Variants in LINGO2 observed in about 807,000 individuals in gnomAD.
LINGO2 encodes the protein leucine-rich repeat and immunoglobulin-like domain-containing nogo receptor-interacting protein 2.
LINGO2 carries 14 observed loss-of-function variants against 30.6 expected under a neutral mutation model. The observed-to-expected ratio is 0.46, with a 90% CI of 0.30 to 0.72. LINGO2 has a LOEUF of 0.72. Among genes scored for constraint, LINGO2 ranks in the 30% least tolerant of loss-of-function variants. LINGO2 has a pLI of 0.07. For missense variants in LINGO2, 729 were observed against 751.7 expected (o/e 0.97, Z 0.35); for synonymous variants, 317 against 288.5 (o/e 1.10, Z -1.00).
intron 4 of LINGO2, among the ~76,000 whole-genome samples, chr9:28,212,131 T>G (rs1190605802): frequency 6.6e-6 from 1 of 151,450 alleles, no homozygotes; most frequent in African/African-American, 2.4e-5. Flanking sequence ...GCTTTGTCTT[T>G]CCATCTGAGA....
At chr9:29,151,116 T>G in the LINGO2 span, among the ~76,000 whole-genome samples, 1 of 151,906 alleles carries the variant, frequency 6.6e-6, no homozygotes, top group African/African-American at 2.4e-5. Flanking sequence ...TACAGCATTG[T>G]TATGAAAAAA....
chr9:29,212,900 C>T, the LINGO2 span, among the ~76,000 whole-genome samples: 1 of 152,206 alleles, frequency 6.6e-6, no homozygotes, highest in Non-Finnish European at 1.5e-5. Context: ...GCAATTCAAG[C>T]AGCAGCTTTG....
At chr9:28,558,971 T>C (rs1024643251) in intron 1 of LINGO2, among the ~76,000 whole-genome samples, 52 of 152,198 alleles carry the variant, frequency 3.4e-4, no homozygotes, top group African/African-American at 1.3e-3. Context: ...AAAAGTAGTA[T>C]ATTTGCCAAA....
At chr9:28,095,416 A>G (rs1826215811) in intron 4 of LINGO2, among the ~76,000 whole-genome samples, 1 of 152,144 alleles carries the variant, frequency 6.6e-6, no homozygotes, top group South Asian at 2.1e-4. Context: ...CATATCTACA[A>G]CTATCTGATC....
chr9:28,102,602 A>T (rs532661263), intron 4 of LINGO2, among the ~76,000 whole-genome samples: 4 of 112,354 alleles, frequency 3.6e-5, no homozygotes, highest in South Asian at 2.5e-4. Context: ...AGGGGTTATT[A>T]AAAAAAAAAT....
chr9:28,065,503 G>A (rs1049503647), intron 4 of LINGO2, among the ~76,000 whole-genome samples: 1 of 152,080 alleles, frequency 6.6e-6, no homozygotes, highest in African/African-American at 2.4e-5. Context: ...ATTGTAGTTG[G>A]ATGTTTAGTA....
chr9:28,874,583 G>A, the LINGO2 span, among the ~76,000 whole-genome samples: 1 of 152,078 alleles, frequency 6.6e-6, no homozygotes, highest in East Asian at 1.9e-4. Context: ...AGGGCACAGT[G>A]AGATTAAGTA....
At chr9:27,973,308 G>C (rs117830457) in intron 5 of LINGO2, among the ~76,000 whole-genome samples, 114 of 152,268 alleles carry the variant, frequency 7.5e-4, no homozygotes, top group South Asian at 4.6e-3. Flanking sequence ...TCCTGGAAGA[G>C]TATAACAGGG....
At chr9:28,577,902 C>A (rs1268541178) in intron 1 of LINGO2, among the ~76,000 whole-genome samples, 1 of 152,024 alleles carries the variant, frequency 6.6e-6, no homozygotes, top group Non-Finnish European at 1.5e-5. Context: ...TATGGGAACA[C>A]AAAGAAATGG....
the LINGO2 span, among the ~76,000 whole-genome samples, chr9:28,966,756 G>A: frequency 6.6e-6 from 1 of 152,002 alleles, no homozygotes; most frequent in Non-Finnish European, 1.5e-5. Context: ...AAGTAATGTA[G>A]AGTCCCCAGG....
At chr9:28,459,607 A>G (rs112880638) in intron 2 of LINGO2, among the ~76,000 whole-genome samples, 3 of 152,182 alleles carry the variant, frequency 2.0e-5, no homozygotes, top group African/African-American at 7.2e-5. Context: ...GGTCCCATGT[A>G]GACTTTTCGC....
chr9:29,128,952 ATAAAATTATTGG>A, the LINGO2 span, among the ~76,000 whole-genome samples: 1 of 152,206 alleles, frequency 6.6e-6, no homozygotes, highest in Non-Finnish European at 1.5e-5. Context: ...CAAGCTGGCT[ATAAAATTATTGG>A]TAAAATTAAA....
At chr9:28,686,783 T>C in the LINGO2 span, among the ~76,000 whole-genome samples, 1 of 152,114 alleles carries the variant, frequency 6.6e-6, no homozygotes, top group African/African-American at 2.4e-5. Flanking sequence ...ATTTCAGCTC[T>C]TGTTTCCTTG....
the LINGO2 span, among the ~76,000 whole-genome samples, chr9:28,880,658 G>C: frequency 6.6e-6 from 1 of 152,124 alleles, no homozygotes; most frequent in Non-Finnish European, 1.5e-5. Context: ...CTGTGCTGAG[G>C]GGGACTGGTG....
the LINGO2 span, among the ~76,000 whole-genome samples, chr9:29,175,503 T>C: frequency 1.3e-5 from 2 of 151,560 alleles, no homozygotes; most frequent in Admixed American, 6.6e-5. Flanking sequence ...AACCAACTTC[T>C]TTAGATCGTA....
intron 1 of LINGO2, among the ~76,000 whole-genome samples, chr9:28,594,413 A>G (rs992399769): frequency 6.6e-6 from 1 of 152,060 alleles, no homozygotes; most frequent in Non-Finnish European, 1.5e-5. Flanking sequence ...TTTGGTTTAG[A>G]GATTCTTTCT....
In LINGO2 at chr9:27,949,711, G is replaced by A. The variant is rs745613287; in HGVS notation, c.961C>T (p.Arg321Cys). The A allele has an allele frequency of 6.3e-5, 101 of 1,614,006 alleles. 1 individual carries two copies. The Middle Eastern group carries it at 8.2e-4, about 13-fold the overall frequency. The change falls in exon 6 of 6, where the codon CGC becomes TGC. Residue 321 changes from arginine (R) to cysteine (C), a missense_variant. Arg to Cys is a radical substitution (Grantham distance 180). Coordinates refer to ENST00000379992, the Ensembl canonical transcript of LINGO2. ...GACACATTGAGCACGCGTAGGAAGC[G>A]GAGCCCTTGGAAGGAGTGAGGCTCA... is the stretch of plus-strand genomic sequence containing the variant.
At chr9:28,093,864 C>T (rs1826169378) in intron 4 of LINGO2, among the ~76,000 whole-genome samples, 1 of 151,832 alleles carries the variant, frequency 6.6e-6, no homozygotes, top group African/African-American at 2.4e-5. Context: ...TTTTATTTAA[C>T]CATTGACAAC....
chr9:28,190,638 T>C (rs1819792170), intron 4 of LINGO2, among the ~76,000 whole-genome samples: 1 of 152,182 alleles, frequency 6.6e-6, no homozygotes, highest in Admixed American at 6.5e-5. Flanking sequence ...TGCCTTGATC[T>C]TGGACTTCCC....
Sources: gnomAD v4.1 joint callset for allele counts (sites outside exome capture counted in the v4.1 genomes callset) on GRCh38, gnomAD v4.1.1 for gene constraint, MANE v1.5 for transcripts, NCBI Gene and HGNC (gene_info 2026-07-23, HGNC 2026-07-21) for gene names.